KDM1A: variants seen among roughly 807,000 people sequenced by gnomAD.
The protein encoded by KDM1A is lysine-specific histone demethylase 1A.
A neutral mutation model predicts 109.4 loss-of-function variants in KDM1A; 49 were observed. The ratio of observed to expected loss-of-function variants is 0.45; its 90% CI spans 0.36 to 0.57. The LOEUF (loss-of-function observed/expected upper bound fraction) is 0.57, where lower values mean the gene tolerates loss of function less well. KDM1A is among the 20% of genes least tolerant of loss of function. The pLI is 0.00. For synonymous variants in KDM1A, 380 were observed against 415.4 expected (o/e 0.91, Z 1.04); for missense variants, 668 against 1,116.6 (o/e 0.60, Z 5.73).
chr1:23,082,085 C>A, intron 19 of KDM1A, 135 bp from the exon 20 acceptor site: 1 of 875,272 alleles, frequency 1.1e-6, no homozygotes, highest in Non-Finnish European at 1.7e-6. Flanking sequence ...GCATTCATCA[C>A]TTGATCACTG....
intron 2 of KDM1A, among the ~76,000 whole-genome samples, chr1:23,032,506 T>G (rs200072667): frequency 6.6e-6 from 1 of 151,920 alleles, no homozygotes; most frequent in Admixed American, 6.6e-5. Context: ...TCTTTGTTTT[T>G]GGGGGGACGT....
At chr1:23,025,036 T>C (rs1317020261) in intron 1 of KDM1A, among the ~76,000 whole-genome samples, 1 of 152,176 alleles carries the variant, frequency 6.6e-6, no homozygotes, top group Non-Finnish European at 1.5e-5. Context: ...AAGGGACCAG[T>C]AGCGTTGGGG....
At chr1:23,061,104 T>G (rs529579184) in intron 9 of KDM1A, among the ~76,000 whole-genome samples, 1 of 152,338 alleles carries the variant, frequency 6.6e-6, no homozygotes, top group Non-Finnish European at 1.5e-5. Context: ...TTAGATGAGC[T>G]TTAGCGCATT....
intron 16 of KDM1A, 170 bp from the exon 17 acceptor site, chr1:23,078,820 G>A: frequency 1.6e-6 from 1 of 643,874 alleles, no homozygotes; most frequent in Non-Finnish European, 2.7e-6. Flanking sequence ...TGTAGCCTTA[G>A]ATGAGTTATT....
At chr1:23,063,224 GT>G (rs1557569945) in intron 9 of KDM1A, among the ~76,000 whole-genome samples, 13 of 64,650 alleles carry the variant, frequency 2.0e-4, no homozygotes, top group African/African-American at 6.9e-4. Context: ...TGGGGTGGGT[GT>G]GTGTGGGTGT....
At position 23,038,305 on chromosome 1, in the gene KDM1A, T is replaced by G. The variant is rs1569671338; in HGVS notation, c.518-6122T>G. 3.3e-5 allele frequency among the ~76,000 whole-genome samples: 5 copies of G among 151,682 alleles called. No homozygotes were observed. In the South Asian group the frequency reaches 6.3e-4, roughly 19 times the overall value. On this transcript the variant is annotated intron_variant, in intron 2 of 20. Coordinates refer to ENST00000400181, the MANE Select transcript of KDM1A (RefSeq NM_001009999.3). The stretch of plus-strand genomic sequence containing the variant: ...GTGTGTGTGTGTAAAACTTAAATCT[T>G]GATAATAATCTTTTAAGTTAAATCA...
In KDM1A at chr1:23,083,617, C is replaced by G; in HGVS notation, c.*253C>G. The G allele has an allele frequency of 2.9e-6, 1 of 344,880 alleles. No individual in the cohort carries two copies. Among genetic ancestry groups the G allele is most frequent in the Non-Finnish European group, 5.2e-6 (1 of 190,612 alleles). 21.4% of individuals were successfully genotyped at this position (344,880 alleles called of 1,614,324 possible). A position where few individuals can be genotyped will look rare whatever the true frequency, so the allele number is the denominator to read the frequency against. ...GCAAGCAAGTGCTGTGAAATAACAT[C>G]ATCTTAGTCCCTTGGTGTGTGGGGT... On this transcript the variant is annotated 3_prime_UTR_variant, in exon 21 of 21. Transcript: ENST00000400181.
chr1:23,027,293 A>G (rs148183484), intron 1 of KDM1A, among the ~76,000 whole-genome samples: 1 of 152,046 alleles, frequency 6.6e-6, no homozygotes, highest in South Asian at 2.1e-4. Flanking sequence ...TCCCCCAGCG[A>G]CTAGACCACC....
At chr1:23,029,775 G>T (rs1207523411) in intron 1 of KDM1A, among the ~76,000 whole-genome samples, 1 of 152,156 alleles carries the variant, frequency 6.6e-6, no homozygotes, top group Admixed American at 6.5e-5. Context: ...GAGTAGCTGG[G>T]ATTACAGGTG....
intron 13 of KDM1A, 25 bp downstream of exon 13, chr1:23,071,384 T>C (rs771566893): frequency 1.3e-6 from 2 of 1,566,118 alleles, no homozygotes; most frequent in South Asian, 2.4e-5. Flanking sequence ...CATGCCTAAC[T>C]GGTTTTACTT....
At chr1:23,082,388 TG>T in intron 20 of KDM1A, 22 bp downstream of exon 20, 1 of 1,595,608 alleles carries the variant, frequency 6.3e-7, no homozygotes, top group Non-Finnish European at 8.5e-7. Flanking sequence ...GCAAACTATC[TG>T]GGCTTATTTG....
Position 23,057,577 on chromosome 1 carries a change from T to C in KDM1A, c.1072+12T>C, listed in dbSNP as rs1420614297. The C allele has an allele frequency of 1.2e-6, 2 of 1,600,408 alleles. No individual in the cohort carries two copies. The highest frequency in any genetic ancestry group is 8.6e-7 in the Non-Finnish European group (1 of 1,167,726). ...GGTAACAGGTCTTGGTAAGTAGCTA[T>C]TGGTTTGTGCTATATAGTACATGGT... On this transcript the variant is annotated intron_variant, in intron 8 of 20. Transcript: ENST00000400181.
At position 23,071,304 on chromosome 1, in the gene KDM1A, T is replaced by C; in HGVS notation, c.1493T>C (p.Ile498Thr). ...EASEVKPPRDITAEFLVKSKH... is the reference protein window; with the variant it reads ...EASEVKPPRDTTAEFLVKSKH... ...TCTGAAGTAAAGCCACCCAGAGATA[T>C]TACTGCCGAGTTCTTAGTGAAAAGC... The change falls in exon 13 of 21, where the codon ATT (isoleucine) becomes ACT (threonine). Residue 498 changes from isoleucine (I) to threonine (T), a missense_variant. Around this residue, in one of 8 missense-constraint regions of KDM1A, gnomAD observed 62 missense variants for 82.8 expected, o/e 0.75. Transcript: ENST00000400181. 5 of 1,613,698 alleles carry C rather than the reference T, an allele frequency of 3.1e-6. No homozygotes were observed. The highest frequency in any genetic ancestry group is 4.2e-6 in the Non-Finnish European group (5 of 1,179,858).
intron 9 of KDM1A, among the ~76,000 whole-genome samples, chr1:23,063,231 G>GT (rs1643064367): frequency 8.5e-4 from 25 of 29,546 alleles, no homozygotes; most frequent in African/African-American, 1.4e-3. Flanking sequence ...GGTGTGTGTG[G>GT]GTGTGTGTGT....
chr1:23,050,279 T>G, intron 3 of KDM1A, 108 bp from the exon 4 acceptor site: 2 of 1,195,404 alleles, frequency 1.7e-6, no homozygotes, highest in Non-Finnish European at 2.2e-6. Flanking sequence ...AATTGAAAAT[T>G]TTTTAAAAAG....
chr1:23,037,524 T>G (rs987219137), intron 2 of KDM1A, among the ~76,000 whole-genome samples: 1 of 152,202 alleles, frequency 6.6e-6, no homozygotes, highest in African/African-American at 2.4e-5. Flanking sequence ...TAAACATGCA[T>G]TACCTCACAT....
At chr1:23,035,971 C>A (rs371072771) in intron 2 of KDM1A, among the ~76,000 whole-genome samples, 17 of 151,788 alleles carry the variant, frequency 1.1e-4, no homozygotes, top group Admixed American at 6.6e-5. Context: ...TATAAGATAC[C>A]CTGATCTCTT....
At chr1:23,064,307 A>G (rs1028671134) in intron 9 of KDM1A, among the ~76,000 whole-genome samples, 4 of 152,180 alleles carry the variant, frequency 2.6e-5, no homozygotes, top group African/African-American at 9.7e-5. Context: ...TTCAGAAGTA[A>G]ATTTCTTCTT....
intron 9 of KDM1A, among the ~76,000 whole-genome samples, chr1:23,065,643 G>A (rs376897793): frequency 2.2e-4 from 34 of 152,276 alleles, no homozygotes; most frequent in Admixed American, 5.2e-4. Flanking sequence ...ATGGTGTACC[G>A]GAGATGCAGT....
Sources: gnomAD v4.1 joint callset for allele counts (sites outside exome capture counted in the v4.1 genomes callset) on GRCh38, gnomAD v4.1.1 for gene constraint, gnomAD v4.1.1 regional missense constraint, MANE v1.5 for transcripts, NCBI Gene and HGNC (gene_info 2026-07-23, HGNC 2026-07-21) for gene names.